PTPN3: variants seen among roughly 807,000 people sequenced by gnomAD.
PTPN3 encodes the protein tyrosine-protein phosphatase non-receptor type 3.
A neutral mutation model predicts 132.7 loss-of-function variants in PTPN3; 96 were observed. The observed-to-expected ratio is 0.72, with a 90% confidence interval of 0.61 to 0.86. The LOEUF (loss-of-function observed/expected upper bound fraction) is 0.86. PTPN3 is among the 40% of genes least tolerant of loss of function. The pLI is 0.00. For missense variants in PTPN3, 1,125 were observed against 1,159.6 expected (o/e 0.97, Z 0.43); for synonymous variants, 398 against 429.0 (o/e 0.93, Z 0.89).
the PTPN3 span, among the ~76,000 whole-genome samples, chr9:109,535,508 T>TA: frequency 3.1e-5 from 4 of 130,546 alleles, no homozygotes. Context: ...ACACATCCTC[T>TA]TTTTTTTTTC....
At chr9:109,456,026 AACGC>A (rs1452299092) in intron 4 of PTPN3, among the ~76,000 whole-genome samples, 83 of 152,372 alleles carry the variant, frequency 5.4e-4, no homozygotes, top group African/African-American at 1.9e-3. Flanking sequence ...GGTACTTCTG[AACGC>A]AGAGGATGCA....
intron 12 of PTPN3, among the ~76,000 whole-genome samples, chr9:109,426,397 T>C (rs1220831316): frequency 6.6e-6 from 1 of 152,004 alleles, no homozygotes; most frequent in Non-Finnish European, 1.5e-5. Context: ...AGTACCTATC[T>C]CATAGGAGAG....
chr9:109,500,022 C>G (rs535407592), upstream of PTPN3, among the ~76,000 whole-genome samples: 1 of 152,328 alleles, frequency 6.6e-6, no homozygotes, highest in South Asian at 2.1e-4. Flanking sequence ...CCGCAGAGCT[C>G]CACCCAGCGC....
the PTPN3 span, among the ~76,000 whole-genome samples, chr9:109,510,570 A>ATATATAT: frequency 1.3e-5 from 1 of 78,496 alleles, no homozygotes; most frequent in Non-Finnish European, 2.5e-5. Flanking sequence ...AAAAAAAAAA[A>ATATATAT]AAAAAAATAT....
the PTPN3 span, among the ~76,000 whole-genome samples, chr9:109,510,572 A>ATAT: frequency 7.2e-5 from 4 of 55,204 alleles, no homozygotes; most frequent in Non-Finnish European, 1.1e-4. Flanking sequence ...AAAAAAAAAA[A>ATAT]AAAAATATAT....
chr9:109,391,100 G>T, intron 21 of PTPN3, 38 bp downstream of exon 21: 1 of 1,578,362 alleles, frequency 6.3e-7, no homozygotes, highest in Middle Eastern at 1.7e-4. Context: ...CGACAGTGGT[G>T]AATGTGCTCT....
At chr9:109,476,381 AC>A (rs756320383) in intron 1 of PTPN3, among the ~76,000 whole-genome samples, 13 of 152,106 alleles carry the variant, frequency 8.5e-5, no homozygotes, top group African/African-American at 3.1e-4. Context: ...AAAAAAAAAA[AC>A]AGTAAAAAGT....
At chr9:109,480,176 T>C (rs928695552) in intron 1 of PTPN3, among the ~76,000 whole-genome samples, 1 of 152,164 alleles carries the variant, frequency 6.6e-6, no homozygotes, top group Admixed American at 6.5e-5. Flanking sequence ...TGTTTTGTGT[T>C]AGTGTGAGCT....
At chr9:109,505,651 C>T in the PTPN3 span, among the ~76,000 whole-genome samples, 2 of 152,086 alleles carry the variant, frequency 1.3e-5, no homozygotes, top group Non-Finnish European at 2.9e-5. Context: ...ACACCAAGAA[C>T]ATAGTCTGAG....
intron 15 of PTPN3, 42 bp downstream of exon 15, chr9:109,410,187 G>C: frequency 6.2e-7 from 1 of 1,611,432 alleles, no homozygotes; most frequent in Non-Finnish European, 8.5e-7. Flanking sequence ...AGGCCGGGAA[G>C]CCCTGGGTGT....
chr9:109,431,884 T>TA (rs1843685786), intron 10 of PTPN3, among the ~76,000 whole-genome samples: 1 of 152,084 alleles, frequency 6.6e-6, no homozygotes, highest in Non-Finnish European at 1.5e-5. Context: ...AAACTGGGGA[T>TA]AATAACCTAT....
At chr9:109,491,030 C>T (rs1253541964) in intron 1 of PTPN3, among the ~76,000 whole-genome samples, 2 of 149,140 alleles carry the variant, frequency 1.3e-5, no homozygotes, top group African/African-American at 4.9e-5. Flanking sequence ...ACCCTGTCAC[C>T]ACAAAAAATA....
Position 109,441,350 on chromosome 9 carries a change from C to CG in PTPN3, c.467-3117dup, listed in dbSNP as rs375466265. Among the ~76,000 whole-genome samples, 57 of 152,252 alleles carry CG rather than the reference C, an allele frequency of 3.7e-4. 2 individuals are homozygous for CG. The highest frequency in any genetic ancestry group is 1.3e-3 in the African/African-American group (56 of 41,556). On this transcript the variant is annotated intron_variant, in intron 7 of 25. Transcript: ENST00000374541. ...CCAAAGTACAGCATTTCAAGCTGCC[C>CG]GGCTGTTGTACTTGGAAAGACTTTT...
Position 109,376,278 on chromosome 9 carries a change from T to C in PTPN3, c.*3278A>G, listed in dbSNP as rs1260001512. 1.3e-5 allele frequency: 2 copies of C among 152,120 alleles called. No individual in the cohort carries two copies. Among genetic ancestry groups the C allele is most frequent in the African/African-American group, 2.4e-5 (1 of 41,410 alleles). 9.4% of individuals were successfully genotyped at this position (152,120 alleles called of 1,614,324 possible). On this transcript the variant is annotated 3_prime_UTR_variant, in exon 26 of 26. Coordinates refer to ENST00000374541, the MANE Select transcript of PTPN3 (RefSeq NM_002829.4). ...GACCCAAGCCCTGCCTCTCACAATC[T>C]TTCCCCATTTCTGCTGCCTCTTTGT...
At chr9:109,416,622 T>C (rs1386713186) in intron 14 of PTPN3, among the ~76,000 whole-genome samples, 1 of 151,896 alleles carries the variant, frequency 6.6e-6, no homozygotes, top group East Asian at 1.9e-4. Context: ...ATTTTTGCAT[T>C]TTTTTGTAGA....
chr9:109,496,140 G>A (rs116474892), intron 1 of PTPN3, among the ~76,000 whole-genome samples: 2,391 of 152,306 alleles, frequency 0.016, 40 homozygotes, highest in Middle Eastern at 0.068. Context: ...CAGAGAAAAC[G>A]CAGGATCAAT....
At chr9:109,425,056 G>C (rs188318633) in intron 12 of PTPN3, among the ~76,000 whole-genome samples, 3 of 152,138 alleles carry the variant, frequency 2.0e-5, no homozygotes, top group Non-Finnish European at 4.4e-5. Flanking sequence ...CCCAACCTAA[G>C]TCAATGATAT....
intron 1 of PTPN3, among the ~76,000 whole-genome samples, chr9:109,494,060 T>A (rs1847576601): frequency 6.6e-6 from 1 of 151,692 alleles, no homozygotes; most frequent in Non-Finnish European, 1.5e-5. Context: ...ATTGCTCCCA[T>A]CCAGGTGAAA....
chr9:109,418,337 A>C (rs940707722), intron 14 of PTPN3, among the ~76,000 whole-genome samples: 1 of 152,232 alleles, frequency 6.6e-6, no homozygotes, highest in African/African-American at 2.4e-5. Flanking sequence ...AAGTGCCTGC[A>C]TGTCATTGGA....
Sources: allele counts gnomAD v4.1 joint callset (sites outside exome capture counted in the v4.1 genomes callset), GRCh38; gene constraint gnomAD v4.1.1; transcripts MANE v1.5; gene names NCBI Gene and HGNC (gene_info 2026-07-23, HGNC 2026-07-21).